The following STARD13 variants were observed in gnomAD, a reference collection of about 807,000 sequenced individuals.
STARD13 encodes StAR related lipid transfer domain containing 13.
In STARD13, 62 loss-of-function variants were observed where a neutral mutation model predicts 106.4. That is an observed-to-expected ratio of 0.58 (90% CI 0.48 to 0.72). STARD13 has a LOEUF of 0.72. Ranked by LOEUF, STARD13 falls within the 30% of genes least tolerant of loss-of-function variation. The pLI is 0.00. For missense variants in STARD13, 1,387 were observed against 1,424.0 expected (o/e 0.97, Z 0.42); for synonymous variants, 565 against 553.0 (o/e 1.02, Z -0.31).
the STARD13 span, among the ~76,000 whole-genome samples, chr13:33,387,360 G>A: frequency 6.6e-6 from 1 of 152,098 alleles, no homozygotes; most frequent in African/African-American, 2.4e-5. Context: ...GACTAAAGTG[G>A]TTGTGCTTTA....
the STARD13 span, among the ~76,000 whole-genome samples, chr13:33,358,302 G>C: frequency 1.3e-5 from 2 of 152,198 alleles, no homozygotes; most frequent in African/African-American, 2.4e-5. Context: ...GCCTCCCCGA[G>C]GAGCACCACC....
At chr13:33,243,654 C>G (rs1176490200) in intron 1 of STARD13, among the ~76,000 whole-genome samples, 1 of 152,140 alleles carries the variant, frequency 6.6e-6, no homozygotes, top group Non-Finnish European at 1.5e-5. Flanking sequence ...ATAATGGTGT[C>G]CCGGACTCAG....
At chr13:33,137,322 A>G (rs1396285753) in intron 4 of STARD13, among the ~76,000 whole-genome samples, 1 of 152,214 alleles carries the variant, frequency 6.6e-6, no homozygotes, top group Non-Finnish European at 1.5e-5. Flanking sequence ...TTTTAGGTGT[A>G]TGCACCATAA....
intron 1 of STARD13, among the ~76,000 whole-genome samples, chr13:33,191,746 T>G (rs1042287864): frequency 6.6e-6 from 1 of 152,226 alleles, no homozygotes; most frequent in African/African-American, 2.4e-5. Flanking sequence ...AGCAATGTCT[T>G]TGTCCCTGAC....
downstream of STARD13, among the ~76,000 whole-genome samples, chr13:33,347,849 T>C (rs2078033901): frequency 6.6e-6 from 1 of 152,174 alleles, no homozygotes; most frequent in African/African-American, 2.4e-5. Flanking sequence ...AACTGAACCA[T>C]ACAAAGAACA....
chr13:33,491,592 T>C, the STARD13 span, among the ~76,000 whole-genome samples: 2 of 152,214 alleles, frequency 1.3e-5, no homozygotes, highest in Admixed American at 6.5e-5. Context: ...TTGTAGACTT[T>C]ATAAAATACA....
chr13:33,641,149 A>C, the STARD13 span, among the ~76,000 whole-genome samples: 3 of 152,244 alleles, frequency 2.0e-5, no homozygotes, highest in Non-Finnish European at 4.4e-5. Flanking sequence ...ATGAGCATGC[A>C]TTCCTTCATT....
chr13:33,255,423 C>T (rs979726781), intron 1 of STARD13, among the ~76,000 whole-genome samples: 11 of 152,038 alleles, frequency 7.2e-5, no homozygotes, highest in Non-Finnish European at 1.2e-4. Context: ...CCGCTCACAA[C>T]TGGGCCAAAC....
the STARD13 span, among the ~76,000 whole-genome samples, chr13:33,445,156 GC>G: frequency 6.6e-6 from 1 of 152,108 alleles, no homozygotes. Context: ...AAACTAGAAA[GC>G]AGTTTCAACA....
At chr13:33,237,070 C>T (rs1469802752) in intron 1 of STARD13, among the ~76,000 whole-genome samples, 3 of 152,132 alleles carry the variant, frequency 2.0e-5, no homozygotes, top group South Asian at 2.1e-4. Flanking sequence ...AAGATCTACA[C>T]GTTAACTTTT....
chr13:33,439,649 T>C, the STARD13 span: 6 of 1,157,944 alleles, frequency 5.2e-6, no homozygotes, highest in African/African-American at 8.1e-5. Context: ...TCCAAACAAC[T>C]TTTATACATA....
chr13:33,669,487 T>TCTTACC, the STARD13 span, among the ~76,000 whole-genome samples: 7 of 151,710 alleles, frequency 4.6e-5, no homozygotes, highest in African/African-American at 1.7e-4. Flanking sequence ...CCATCTGGAA[T>TCTTACC]CTTACCCATG....
At chr13:33,502,191 T>C in the STARD13 span, among the ~76,000 whole-genome samples, 1 of 152,192 alleles carries the variant, frequency 6.6e-6, no homozygotes, top group Non-Finnish European at 1.5e-5. Flanking sequence ...TTTTTGTCTT[T>C]TATTGGTGTA....
chr13:33,207,843 G>A (rs896046324), intron 1 of STARD13, among the ~76,000 whole-genome samples: 2 of 152,184 alleles, frequency 1.3e-5, no homozygotes, highest in African/African-American at 4.8e-5. Context: ...GATGCAGGCT[G>A]TGTGACAGGC....
chr13:33,639,933 G>C, the STARD13 span, among the ~76,000 whole-genome samples: 7 of 152,290 alleles, frequency 4.6e-5, no homozygotes, highest in South Asian at 8.3e-4. Flanking sequence ...ATGAAACTTT[G>C]TTAAATTGTA....
the STARD13 span, among the ~76,000 whole-genome samples, chr13:33,538,587 A>T: frequency 6.6e-6 from 1 of 151,974 alleles, no homozygotes; most frequent in Non-Finnish European, 1.5e-5. Flanking sequence ...GCAAAAGTAA[A>T]TCCTACAAAT....
At chr13:33,223,495 C>A (rs1888461907) in intron 1 of STARD13, among the ~76,000 whole-genome samples, 2 of 152,104 alleles carry the variant, frequency 1.3e-5, no homozygotes, top group South Asian at 4.1e-4. Context: ...CCCATCTCTA[C>A]TAAACATACA....
chr13:33,173,406 T>A (rs970874408), intron 1 of STARD13, among the ~76,000 whole-genome samples: 1 of 152,182 alleles, frequency 6.6e-6, no homozygotes, highest in Non-Finnish European at 1.5e-5. Context: ...ATCATTAATA[T>A]TACATAGAAC....
chr13:33,191,506 C>T (rs1886255463), intron 1 of STARD13, among the ~76,000 whole-genome samples: 1 of 152,136 alleles, frequency 6.6e-6, no homozygotes, highest in South Asian at 2.1e-4. Flanking sequence ...TAATGGGACT[C>T]CAGAGAAGGT....
Sources: gnomAD v4.1 joint callset for allele counts (sites outside exome capture counted in the v4.1 genomes callset) on GRCh38, gnomAD v4.1.1 for gene constraint, MANE v1.5 for transcripts, NCBI Gene and HGNC (gene_info 2026-07-23, HGNC 2026-07-21) for gene names.